The following UNC80 variants were observed in gnomAD, a reference collection of about 807,000 sequenced individuals.
UNC80 encodes protein unc-80 homolog.
UNC80 carries 164 observed loss-of-function variants against 384.6 expected under a neutral mutation model. The ratio of observed to expected loss-of-function variants is 0.43; its 90% CI spans 0.38 to 0.49. The LOEUF (loss-of-function observed/expected upper bound fraction) is 0.49, where lower values mean the gene tolerates loss of function less well. Among genes scored for constraint, UNC80 ranks in the 20% least tolerant of loss-of-function variants. UNC80 has a pLI of 0.00. For missense variants in UNC80, 3,330 were observed against 4,143.0 expected (o/e 0.80, Z 5.39); for synonymous variants, 1,486 against 1,527.8 (o/e 0.97, Z 0.64).
intron 16 of UNC80, among the ~76,000 whole-genome samples, chr2:209,832,552 A>G (rs991696711): frequency 5.9e-5 from 9 of 152,180 alleles, no homozygotes; most frequent in South Asian, 2.1e-4. Context: ...ATTTTAAGCT[A>G]TTATAACTAT....
At chr2:209,850,679 C>G (rs2082465062) in intron 22 of UNC80, among the ~76,000 whole-genome samples, 1 of 152,068 alleles carries the variant, frequency 6.6e-6, no homozygotes, top group Non-Finnish European at 1.5e-5. Context: ...TTTTTTCAGT[C>G]AGTTTCTCAT....
chr2:209,826,181 G>T, intron 14 of UNC80, 128 bp downstream of exon 14: 1 of 1,129,514 alleles, frequency 8.9e-7, no homozygotes, highest in Non-Finnish European at 1.2e-6. Context: ...AATTAATGCT[G>T]TTTTGGTGTG....
intron 4 of UNC80, 50 bp downstream of exon 4, chr2:209,777,609 G>A (rs2076938473): frequency 2.6e-6 from 4 of 1,529,356 alleles, no homozygotes; most frequent in South Asian, 1.3e-5. Context: ...ATGTGGTGAG[G>A]GTAGACTTCA....
At chr2:209,859,561 T>C (rs1412282817) in intron 22 of UNC80, among the ~76,000 whole-genome samples, 1 of 152,222 alleles carries the variant, frequency 6.6e-6, no homozygotes, top group African/African-American at 2.4e-5. Flanking sequence ...ATGTAAATCC[T>C]GGGTCAAATG....
chr2:209,973,543 G>A (rs1260580777), intron 56 of UNC80, among the ~76,000 whole-genome samples: 1 of 152,190 alleles, frequency 6.6e-6, no homozygotes, highest in Non-Finnish European at 1.5e-5. Context: ...AAACAACGTG[G>A]TTTCACATCT....
At chr2:209,817,785 C>T in intron 10 of UNC80, 27 bp from the exon 11 acceptor site, 1 of 1,551,408 alleles carries the variant, frequency 6.4e-7, no homozygotes, top group East Asian at 2.4e-5. Flanking sequence ...TTAAAACCCT[C>T]TTGTGGGGTG....
At chr2:209,879,883 T>A (rs143406421) in intron 24 of UNC80, among the ~76,000 whole-genome samples, 8 of 152,312 alleles carry the variant, frequency 5.3e-5, no homozygotes, top group African/African-American at 1.2e-4. Context: ...AAACGATAGC[T>A]TAAATATCTA....
At chr2:209,966,085 C>T (rs147086910) in intron 51 of UNC80, among the ~76,000 whole-genome samples, 146 of 152,302 alleles carry the variant, frequency 9.6e-4, no homozygotes, top group African/African-American at 3.3e-3. Context: ...CTGCTACCCT[C>T]GTCCATCAGG....
intron 24 of UNC80, 111 bp from the exon 25 acceptor site, chr2:209,880,850 A>C (rs1189661820): frequency 4.8e-6 from 5 of 1,049,606 alleles, no homozygotes; most frequent in Non-Finnish European, 6.9e-6. Flanking sequence ...TATAGGTAAC[A>C]TTCTCATATG....
chr2:209,784,954 T>G (rs551031142), intron 4 of UNC80, among the ~76,000 whole-genome samples: 1 of 152,224 alleles, frequency 6.6e-6, no homozygotes, highest in Non-Finnish European at 1.5e-5. Context: ...TTCTTTTCAC[T>G]AGGTACAGAG....
chr2:209,925,332 C>T (rs745780059), intron 35 of UNC80, among the ~76,000 whole-genome samples: 9 of 152,110 alleles, frequency 5.9e-5, no homozygotes, highest in African/African-American at 1.4e-4. Flanking sequence ...TTCCTTCCAG[C>T]GGGTTCTTGG....
chr2:209,919,981 A>G (rs144169127), intron 33 of UNC80, among the ~76,000 whole-genome samples: 3 of 152,252 alleles, frequency 2.0e-5, no homozygotes, highest in East Asian at 1.9e-4. Context: ...CAGCTTAGCT[A>G]TCTGGCTCTG....
At chr2:209,849,348 A>C (rs1359960726) in intron 21 of UNC80, 103 bp from the exon 22 acceptor site, 44 of 1,334,312 alleles carry the variant, frequency 3.3e-5, no homozygotes, top group Non-Finnish European at 4.3e-5. Flanking sequence ...TTTCTGGCCA[A>C]CACTGTAGAA....
chr2:209,892,681 G>A (rs909833269), intron 26 of UNC80, among the ~76,000 whole-genome samples: 2 of 152,144 alleles, frequency 1.3e-5, no homozygotes, highest in African/African-American at 4.8e-5. Context: ...AATATTTTCT[G>A]TGCTTCCGAA....
chr2:209,926,671 G>C (rs914515461), intron 35 of UNC80, among the ~76,000 whole-genome samples, 172 bp from the exon 36 acceptor site: 2 of 152,170 alleles, frequency 1.3e-5, no homozygotes, highest in African/African-American at 4.8e-5. Context: ...AGCTACTCTG[G>C]AGGCTGAGAC....
At chr2:209,817,437 A>AT (rs1445000036) in intron 10 of UNC80, among the ~76,000 whole-genome samples, 1 of 152,012 alleles carries the variant, frequency 6.6e-6, no homozygotes, top group East Asian at 1.9e-4. Context: ...TACACAGCAG[A>AT]TTTTTATTAA....
chr2:209,911,185 CAG>C (rs35451837), intron 29 of UNC80, among the ~76,000 whole-genome samples: 1 of 151,806 alleles, frequency 6.6e-6, no homozygotes, highest in Non-Finnish European at 1.5e-5. Context: ...AATAATAAAA[CAG>C]AGAGGTGCCA....
At chr2:209,874,469 C>G (rs1481649093) in intron 23 of UNC80, among the ~76,000 whole-genome samples, 1 of 152,208 alleles carries the variant, frequency 6.6e-6, no homozygotes, top group Non-Finnish European at 1.5e-5. Context: ...AGAGATTTCA[C>G]AAACAAGTGT....
At chr2:209,903,404 T>G (rs13421304) in intron 28 of UNC80, among the ~76,000 whole-genome samples, 1 of 120,492 alleles carries the variant, frequency 8.3e-6, no homozygotes, top group Non-Finnish European at 1.6e-5. Flanking sequence ...ATATATATAT[T>G]ATATATATAC....
Sources: allele counts gnomAD v4.1 joint callset (sites outside exome capture counted in the v4.1 genomes callset), GRCh38; gene constraint gnomAD v4.1.1; transcripts MANE v1.5; gene names NCBI Gene and HGNC (gene_info 2026-07-23, HGNC 2026-07-21).